The following TMEM63C variants were observed in gnomAD, a reference collection of about 807,000 sequenced individuals.
TMEM63C encodes the protein transmembrane protein 63C, also known as osmosensitive cation channel TMEM63C.
TMEM63C carries 32 observed loss-of-function variants against 99.2 expected under a neutral mutation model. That is an observed-to-expected ratio of 0.32 (90% CI 0.24 to 0.43). The LOEUF (loss-of-function observed/expected upper bound fraction) is 0.43, where lower values mean the gene tolerates loss of function less well. Among genes scored for constraint, TMEM63C ranks in the 20% least tolerant of loss-of-function variants. The probability of loss-of-function intolerance (pLI) is 1.00; values close to 1 mark genes in which losing one functional copy is unlikely to be tolerated. For synonymous variants in TMEM63C, 376 were observed against 397.9 expected (o/e 0.94, Z 0.66); for missense variants, 826 against 1,053.0 (o/e 0.78, Z 2.98).
chr14:77,208,615 C>T (rs1888445471), intron 1 of TMEM63C, among the ~76,000 whole-genome samples: 3 of 152,234 alleles, frequency 2.0e-5, no homozygotes, highest in Admixed American at 2.0e-4. Context: ...TACCTTTTAA[C>T]TTTCCAGCTT....
rs368090046 is a variant in TMEM63C, at chr14:77,236,725, G to A, written c.644G>A (p.Ser215Asn). ...HHCLGFAPRN[S>N]QKVTRTLMIT... ...TGCCTGGGGTTTGCACCCAGGAATAGCCAAAAGGTAAGTAGCCTACAAAGC... is the reference window on the plus strand; with the variant it reads ...TGCCTGGGGTTTGCACCCAGGAATAACCAAAAGGTAAGTAGCCTACAAAGC... Residue 215 changes from serine (S) to asparagine (N), a missense_variant, in exon 9 of 24, where the codon AGC becomes AAC. Transcript: ENST00000298351. 50 of 1,609,852 alleles carry A rather than the reference G, an allele frequency of 3.1e-5. No individual in the cohort carries two copies. The African/African-American group carries it at 4.8e-4, about 16-fold the overall frequency.
chr14:77,250,045 G>C (rs1889330590), intron 21 of TMEM63C, among the ~76,000 whole-genome samples: 1 of 152,166 alleles, frequency 6.6e-6, no homozygotes, highest in Non-Finnish European at 1.5e-5. Flanking sequence ...ATGTTGCCCA[G>C]TCTGGTCTGG....
intron 16 of TMEM63C, among the ~76,000 whole-genome samples, chr14:77,245,544 T>C (rs976574523): frequency 2.4e-4 from 37 of 152,246 alleles, no homozygotes; most frequent in East Asian, 7.7e-4. Flanking sequence ...GTAATTAACA[T>C]AGGAAAAAGG....
Position 77,256,833 on chromosome 14 carries a change from T to G in TMEM63C, c.*107T>G. 3 of 1,073,862 alleles carry G rather than the reference T, an allele frequency of 2.8e-6. No individual in the cohort carries two copies. The highest frequency in any genetic ancestry group is 2.5e-5 in the East Asian group (1 of 39,638). 66.5% of individuals were successfully genotyped at this position (1,073,862 alleles called of 1,614,324 possible). A position where few individuals can be genotyped will look rare whatever the true frequency, so the allele number is the denominator to read the frequency against. On this transcript the variant is annotated 3_prime_UTR_variant, in exon 24 of 24. Transcript: ENST00000298351. ...CCTCCCCACTACCTCCTGCAGACTT[T>G]GAGAAGCCCACAGTGGAGACATCCA...
At chr14:77,199,285 A>G (rs1888258804) in intron 1 of TMEM63C, among the ~76,000 whole-genome samples, 2 of 152,340 alleles carry the variant, frequency 1.3e-5, no homozygotes, top group Non-Finnish European at 2.9e-5. Flanking sequence ...AGCAAAATCT[A>G]GAAGCTCTTC....
rs74766369 is a variant in TMEM63C, at chr14:77,188,561, T to C, written c.-77+6667T>C. Among the ~76,000 whole-genome samples, 15 of 152,308 alleles carry C rather than the reference T, an allele frequency of 9.8e-5. No individual in the cohort carries two copies. In the East Asian group the frequency reaches 2.7e-3, roughly 27 times the overall value. On this transcript the variant is annotated intron_variant, in intron 1 of 23. Transcript: ENST00000298351. Reference sequence around the variant, plus strand: ...GCTCCAAGGGTATCTAGGGCAGCAATGCTTGAAATGCAAAAAAGAGGTCTT... The same window carrying C: ...GCTCCAAGGGTATCTAGGGCAGCAACGCTTGAAATGCAAAAAAGAGGTCTT...
At chr14:77,206,636 A>G (rs1888407961) in intron 1 of TMEM63C, among the ~76,000 whole-genome samples, 1 of 151,754 alleles carries the variant, frequency 6.6e-6, no homozygotes, top group South Asian at 2.1e-4. Flanking sequence ...CAGTCCCTCC[A>G]CCCTCTCCTC....
intron 1 of TMEM63C, among the ~76,000 whole-genome samples, chr14:77,199,421 T>C (rs1888261229): frequency 6.6e-6 from 1 of 152,222 alleles, no homozygotes; most frequent in Admixed American, 6.5e-5. Flanking sequence ...CCAACTTGCC[T>C]GTTATCTCAC....
At chr14:77,242,743 T>C (rs1271190220) in intron 14 of TMEM63C, among the ~76,000 whole-genome samples, 160 bp from the exon 15 acceptor site, 8 of 152,120 alleles carry the variant, frequency 5.3e-5, no homozygotes. Context: ...ATAAATGGTG[T>C]GACAGGGGAC....
chr14:77,220,920 CT>C (rs1312346444), intron 5 of TMEM63C, among the ~76,000 whole-genome samples: 3 of 53,618 alleles, frequency 5.6e-5, no homozygotes, highest in Non-Finnish European at 5.4e-5. Context: ...CCACTCACGC[CT>C]CCTCTCCCAC....
chr14:77,233,773 C>T lies in TMEM63C; in HGVS notation c.542+273C>T, dbSNP rs369190786. Among the ~76,000 whole-genome samples the T allele has an allele frequency of 6.6e-5, 10 of 151,988 alleles. No individual in the cohort carries two copies. In the East Asian group the frequency reaches 1.9e-3, roughly 29 times the overall value. ...AGACGTGGAGAAATGGTCCTATTTG[C>T]TTAGTGTACCCAGATCCCAAGAGGC... On this transcript the variant is annotated intron_variant, in intron 8 of 23. Transcript: ENST00000298351.
intron 1 of TMEM63C, among the ~76,000 whole-genome samples, chr14:77,195,745 C>A (rs1054669738): frequency 6.6e-6 from 1 of 152,238 alleles, no homozygotes; most frequent in Non-Finnish European, 1.5e-5. Flanking sequence ...CCTGGACTCC[C>A]AGTGCCGTGC....
In TMEM63C at chr14:77,250,174, A is replaced by C. The variant is rs940537488; in HGVS notation, c.2038+716A>C. ...TTTATGGGTTGCCAAAAAACCTGGA[A>C]GAGGAAACAGAGCCTGCAGTAGGGG... On this transcript the variant is annotated intron_variant, in intron 21 of 23. Transcript: ENST00000298351. Among the ~76,000 whole-genome samples the C allele has an allele frequency of 1.4e-4, 22 of 152,312 alleles. No individual in the cohort carries two copies. In the East Asian group the frequency reaches 3.9e-3, roughly 27 times the overall value.
At position 77,225,528 on chromosome 14, in the gene TMEM63C, A is replaced by G; in HGVS notation, c.350+67A>G. On this transcript the variant is annotated intron_variant, in intron 6 of 23. Transcript: ENST00000298351. ...GGGGGTGGGGGGTGGAGGCTCCTGGAAAAGTTAGCAGCCCCCAGCCTGGGA... is the reference window on the plus strand; with the variant it reads ...GGGGGTGGGGGGTGGAGGCTCCTGGGAAAGTTAGCAGCCCCCAGCCTGGGA... 10 of 1,554,634 alleles carry G rather than the reference A, an allele frequency of 6.4e-6. No individual in the cohort carries two copies. The South Asian group carries it at 1.1e-4, about 18-fold the overall frequency.
At chr14:77,195,899 C>A (rs1289950449) in intron 1 of TMEM63C, among the ~76,000 whole-genome samples, 2 of 152,222 alleles carry the variant, frequency 1.3e-5, no homozygotes, top group Non-Finnish European at 2.9e-5. Context: ...CGGAGTACCC[C>A]TCACCCCATC....
chr14:77,228,674 T>A (rs1888878282), intron 6 of TMEM63C, among the ~76,000 whole-genome samples: 1 of 152,034 alleles, frequency 6.6e-6, no homozygotes, highest in Non-Finnish European at 1.5e-5. Flanking sequence ...GTAGCTGGGA[T>A]TACAGGCACG....
At chr14:77,208,668 G>T (rs1888446072) in intron 1 of TMEM63C, among the ~76,000 whole-genome samples, 1 of 152,222 alleles carries the variant, frequency 6.6e-6, no homozygotes, top group Non-Finnish European at 1.5e-5. Context: ...GATGCTGAGG[G>T]TATCAACCGT....
At chr14:77,253,157 T>G in intron 22 of TMEM63C, 148 bp from the exon 23 acceptor site, 2 of 714,452 alleles carry the variant, frequency 2.8e-6, no homozygotes. Flanking sequence ...TGGGTCTCAG[T>G]CTTGCCAGGC....
intron 1 of TMEM63C, among the ~76,000 whole-genome samples, chr14:77,187,018 C>A (rs541938079): frequency 1.3e-5 from 2 of 152,346 alleles, no homozygotes; most frequent in Admixed American, 1.3e-4. Flanking sequence ...TGGAGCCACT[C>A]AGCAGCCTCA....
Sources: gnomAD v4.1 joint callset for allele counts (sites outside exome capture counted in the v4.1 genomes callset) on GRCh38, gnomAD v4.1.1 for gene constraint, MANE v1.5 for transcripts, NCBI Gene and HGNC (gene_info 2026-07-23, HGNC 2026-07-21) for gene names.